The following DLC1 variants were observed in gnomAD, a reference collection of about 807,000 sequenced individuals.
The protein encoded by DLC1 is rho GTPase-activating protein 7.
Under a neutral mutation model 140.3 loss-of-function variants are expected in DLC1, and 54 were observed. The observed-to-expected ratio is 0.38, with a 90% CI of 0.31 to 0.48. The LOEUF (loss-of-function observed/expected upper bound fraction) is 0.48, where lower values mean the gene tolerates loss of function less well. Ranked by LOEUF, DLC1 falls within the 20% of genes least tolerant of loss-of-function variation. The pLI, the probability that DLC1 is intolerant of heterozygous loss-of-function variation, is 0.96. For synonymous variants in DLC1, 986 were observed against 728.1 expected, an observed-to-expected ratio of 1.35 and a Z score of -5.70; for missense variants, 2,536 against 1,907.0, an observed-to-expected ratio of 1.33 and a Z score of -6.14.
chr8:13,325,265 G>A (rs1833290794), intron 4 of DLC1, among the ~76,000 whole-genome samples: 1 of 152,202 alleles, frequency 6.6e-6, no homozygotes, highest in Non-Finnish European at 1.5e-5. Context: ...AGACTAATGG[G>A]CTTTTGGTTT....
At chr8:13,228,593 T>TA (rs1408083475) in intron 5 of DLC1, among the ~76,000 whole-genome samples, 1 of 151,492 alleles carries the variant, frequency 6.6e-6, no homozygotes, top group East Asian at 1.9e-4. Flanking sequence ...AAAATAAAAA[T>TA]AAAAAAATTA....
chr8:13,334,461 G>A (rs1833736600), intron 4 of DLC1, among the ~76,000 whole-genome samples: 1 of 152,142 alleles, frequency 6.6e-6, no homozygotes, highest in South Asian at 2.1e-4. Context: ...GGATTAATAA[G>A]CAGAAAGATC....
At chr8:13,470,466 G>C (rs1359204825) in intron 2 of DLC1, among the ~76,000 whole-genome samples, 1 of 152,068 alleles carries the variant, frequency 6.6e-6, no homozygotes, top group East Asian at 1.9e-4. Context: ...GACATGAATA[G>C]ACATTTCTCC....
In DLC1 at chr8:13,085,591, TTG is replaced by T; in HGVS notation, c.*218_*219del. ...ATACACATAAATTTTTTTTTTTTTTTTGCACAGTCTTACATATTCCAGTCAAG... is the reference window on the plus strand; with the variant it reads ...ATACACATAAATTTTTTTTTTTTTTTCACAGTCTTACATATTCCAGTCAAG... On this transcript the variant is annotated 3_prime_UTR_variant, in exon 18 of 18. Transcript: ENST00000276297. The T allele has an allele frequency of 2.8e-5, 13 of 460,460 alleles. No homozygotes were observed. Among genetic ancestry groups the T allele is most frequent in the South Asian group, 1.7e-4 (2 of 11,760 alleles). 28.5% of individuals were successfully genotyped at this position (460,460 alleles called of 1,614,324 possible). A position where few individuals can be genotyped will look rare whatever the true frequency, so the allele number is the denominator to read the frequency against.
At chr8:13,459,712 C>G (rs1427120554) in intron 2 of DLC1, among the ~76,000 whole-genome samples, 1 of 152,146 alleles carries the variant, frequency 6.6e-6, no homozygotes, top group African/African-American at 2.4e-5. Flanking sequence ...GTTATGATTT[C>G]CCTTTCCCAT....
At chr8:13,101,591 G>A (rs1222245307) in intron 8 of DLC1, among the ~76,000 whole-genome samples, 1 of 152,098 alleles carries the variant, frequency 6.6e-6, no homozygotes, top group East Asian at 1.9e-4. Flanking sequence ...ATCAAGGTGG[G>A]TCATCAAGCA....
chr8:13,176,178 G>C (rs1441083591), intron 5 of DLC1, among the ~76,000 whole-genome samples: 1 of 152,106 alleles, frequency 6.6e-6, no homozygotes, highest in Non-Finnish European at 1.5e-5. Context: ...GGATTCTAAA[G>C]CAAATTTTTA....
intron 2 of DLC1, among the ~76,000 whole-genome samples, chr8:13,496,077 T>C (rs1801486002): frequency 6.6e-6 from 1 of 152,212 alleles, no homozygotes; most frequent in Non-Finnish European, 1.5e-5. Context: ...CAGTTTTAAA[T>C]ATATAGACAA....
At chr8:13,101,229 A>C (rs2128938373) in intron 8 of DLC1, among the ~76,000 whole-genome samples, 1 of 152,328 alleles carries the variant, frequency 6.6e-6, no homozygotes, top group Non-Finnish European at 1.5e-5. Context: ...TGTTCTTTAA[A>C]TAACAAAGAT....
chr8:13,383,611 C>T (rs1482574807), intron 4 of DLC1, among the ~76,000 whole-genome samples: 4 of 152,102 alleles, frequency 2.6e-5, no homozygotes, highest in Non-Finnish European at 5.9e-5. Flanking sequence ...TATAAACATG[C>T]CCTTGTTTAG....
intron 1 of DLC1, among the ~76,000 whole-genome samples, chr8:13,535,596 C>T (rs757392069): frequency 2.0e-4 from 30 of 150,210 alleles, no homozygotes; most frequent in Non-Finnish European, 3.8e-4. Flanking sequence ...GTTGGAAAGA[C>T]CCATCTGTCT....
At chr8:13,401,385 A>T in intron 3 of DLC1, 85 bp downstream of exon 3, 1 of 1,516,452 alleles carries the variant, frequency 6.6e-7, no homozygotes, top group Non-Finnish European at 8.9e-7. Context: ...TGCCATTAAC[A>T]AGGATGTTGC....
chr8:13,141,367 T>A, intron 5 of DLC1, among the ~76,000 whole-genome samples: 1 of 150,176 alleles, frequency 6.7e-6, no homozygotes, highest in African/African-American at 2.5e-5. Context: ...GTAAGTGCAA[T>A]ATATGTATGT....
chr8:13,512,801 A>C (rs762484705), intron 1 of DLC1, among the ~76,000 whole-genome samples: 6 of 152,124 alleles, frequency 3.9e-5, no homozygotes, highest in Non-Finnish European at 8.8e-5. Flanking sequence ...AATTAATATA[A>C]TTATTAGCAT....
intron 5 of DLC1, among the ~76,000 whole-genome samples, chr8:13,139,060 A>G (rs1392293260): frequency 6.6e-6 from 1 of 152,024 alleles, no homozygotes; most frequent in Non-Finnish European, 1.5e-5. Context: ...TAAGGTGGGA[A>G]AATCACAAGC....
intron 2 of DLC1, among the ~76,000 whole-genome samples, chr8:13,495,909 A>G (rs1801479066): frequency 6.6e-6 from 1 of 152,218 alleles, no homozygotes; most frequent in South Asian, 2.1e-4. Context: ...GATCTTGACA[A>G]AAGAAATCAA....
At chr8:13,366,597 G>A (rs1488472895) in intron 4 of DLC1, among the ~76,000 whole-genome samples, 1 of 152,192 alleles carries the variant, frequency 6.6e-6, no homozygotes, top group Admixed American at 6.5e-5. Flanking sequence ...CCCAAGTTCA[G>A]ACAAGAAGTT....
intron 1 of DLC1, among the ~76,000 whole-genome samples, chr8:13,504,035 T>A (rs1801939023): frequency 6.6e-6 from 1 of 151,940 alleles, no homozygotes; most frequent in Non-Finnish European, 1.5e-5. Context: ...ATAGCAGAGG[T>A]AACAATAAAT....
intron 7 of DLC1, 101 bp from the exon 8 acceptor site, chr8:13,102,954 T>G (rs1253866089): frequency 1.0e-6 from 1 of 969,188 alleles, no homozygotes; most frequent in Non-Finnish European, 1.6e-6. Flanking sequence ...AGGAGTTTCT[T>G]GAAACTCAGT....
Sources: gnomAD v4.1 joint callset for allele counts (sites outside exome capture counted in the v4.1 genomes callset) on GRCh38, gnomAD v4.1.1 for gene constraint, MANE v1.5 for transcripts, NCBI Gene and HGNC (gene_info 2026-07-23, HGNC 2026-07-21) for gene names.